CSMD1: variants seen among roughly 807,000 people sequenced by gnomAD.
The protein encoded by CSMD1 is CUB and sushi domain-containing protein 1.
Under a neutral mutation model 417.5 loss-of-function variants are expected in CSMD1, and 213 were observed. That is an observed-to-expected ratio of 0.51 (90% CI 0.46 to 0.57). CSMD1 has a LOEUF of 0.57. Ranked by LOEUF, CSMD1 falls within the 20% of genes least tolerant of loss-of-function variation. CSMD1 has a pLI of 0.00. For synonymous variants in CSMD1, 2,862 were observed against 1,736.8 expected, an observed-to-expected ratio of 1.65 and a Z score of -16.11; for missense variants, 6,923 against 4,529.7, an observed-to-expected ratio of 1.53 and a Z score of -15.17.
chr8:3,704,383 G>C (rs1006177092), intron 7 of CSMD1, among the ~76,000 whole-genome samples: 4 of 152,132 alleles, frequency 2.6e-5, no homozygotes, highest in Non-Finnish European at 5.9e-5. Flanking sequence ...ACTCACACAG[G>C]GAGGAGGGGG....
intron 1 of CSMD1, among the ~76,000 whole-genome samples, chr8:4,981,823 T>C (rs544376368): frequency 6.6e-6 from 1 of 152,272 alleles, no homozygotes; most frequent in Admixed American, 6.5e-5. Context: ...CATGTGATTA[T>C]GTGTACAGGA....
At chr8:4,048,357 T>C (rs1283516990) in intron 3 of CSMD1, among the ~76,000 whole-genome samples, 1 of 152,214 alleles carries the variant, frequency 6.6e-6, no homozygotes, top group Admixed American at 6.5e-5. Context: ...AACCATATTC[T>C]TAATAACAAC....
chr8:4,274,357 T>C (rs901748394), intron 3 of CSMD1, among the ~76,000 whole-genome samples: 4 of 152,178 alleles, frequency 2.6e-5, no homozygotes, highest in Admixed American at 1.3e-4. Flanking sequence ...GTTTCACTTT[T>C]CTAAACTATG....
intron 3 of CSMD1, among the ~76,000 whole-genome samples, chr8:4,209,928 C>G (rs1359010061): frequency 6.6e-6 from 1 of 152,184 alleles, no homozygotes; most frequent in African/African-American, 2.4e-5. Flanking sequence ...GTGACCACGT[C>G]TGGGTGTTGC....
chr8:3,892,715 GT>G (rs35178951), intron 5 of CSMD1, among the ~76,000 whole-genome samples: 52,483 of 106,332 alleles, frequency 0.49, 12,112 homozygotes, highest in Admixed American at 0.61. Flanking sequence ...ATTTAGGCAG[GT>G]TTTTTTTTTT....
chr8:3,727,856 T>C (rs1214697980), intron 6 of CSMD1, among the ~76,000 whole-genome samples: 1 of 152,178 alleles, frequency 6.6e-6, no homozygotes, highest in Non-Finnish European at 1.5e-5. Flanking sequence ...GAAATATGCC[T>C]GTCACAAAAG....
chr8:4,025,309 C>G (rs535533733), intron 4 of CSMD1, among the ~76,000 whole-genome samples: 7 of 152,186 alleles, frequency 4.6e-5, no homozygotes, highest in Non-Finnish European at 8.8e-5. Flanking sequence ...AGTGGACCAT[C>G]TTTCATGTTT....
intron 3 of CSMD1, among the ~76,000 whole-genome samples, chr8:4,313,325 G>C (rs562967565): frequency 8.6e-5 from 13 of 151,438 alleles, no homozygotes; most frequent in African/African-American, 2.9e-4. Flanking sequence ...TCCCTAGAGA[G>C]GGAGGAATCC....
Position 4,800,185 on chromosome 8 carries a change from C to T in CSMD1, c.86-162627G>A, listed in dbSNP as rs117638136. ...CGGCCGTGACGGCTCATGCCTATAA[C>T]CCCAGCACGTTGGGAAGCCAAGGCG... On this transcript the variant is annotated intron_variant, in intron 1 of 69. Coordinates refer to ENST00000635120, the MANE Select transcript of CSMD1 (RefSeq NM_033225.6). 5.4e-3 allele frequency among the ~76,000 whole-genome samples: 817 copies of T among 152,150 alleles called. 11 individuals carry two copies. Among genetic ancestry groups the T allele is most frequent in the South Asian group, 0.029 (141 of 4,816 alleles).
At chr8:4,852,971 G>A (rs1453600667) in intron 1 of CSMD1, among the ~76,000 whole-genome samples, 1 of 152,188 alleles carries the variant, frequency 6.6e-6, no homozygotes, top group African/African-American at 2.4e-5. Flanking sequence ...TCATGATGTG[G>A]CCTGGCTGCT....
intron 5 of CSMD1, among the ~76,000 whole-genome samples, chr8:3,766,795 G>C (rs1311690354): frequency 6.6e-6 from 1 of 151,650 alleles, no homozygotes; most frequent in African/African-American, 2.4e-5. Context: ...TTAATCTTGG[G>C]ATAAGAACAA....
At chr8:4,610,293 T>C (rs968453999) in intron 2 of CSMD1, among the ~76,000 whole-genome samples, 14 of 152,220 alleles carry the variant, frequency 9.2e-5, no homozygotes, top group African/African-American at 3.1e-4. Flanking sequence ...ATCCATGAAA[T>C]TGAGCAATAT....
chr8:4,226,049 G>T (rs186184382), intron 3 of CSMD1, among the ~76,000 whole-genome samples: 2 of 146,864 alleles, frequency 1.4e-5, no homozygotes, highest in Non-Finnish European at 3.0e-5. Flanking sequence ...TAAGCTGGAA[G>T]GTTAGAGCTG....
intron 5 of CSMD1, among the ~76,000 whole-genome samples, chr8:3,814,744 C>T (rs1322259883): frequency 1.3e-5 from 2 of 152,110 alleles, no homozygotes; most frequent in Admixed American, 6.5e-5. Context: ...GGTATGAATC[C>T]ACAACTTGCA....
chr8:4,396,743 AT>A (rs1273632853), intron 3 of CSMD1, among the ~76,000 whole-genome samples: 3 of 152,158 alleles, frequency 2.0e-5, no homozygotes, highest in Admixed American at 1.3e-4. Flanking sequence ...CTGGATGGAA[AT>A]GGAGACAATT....
At chr8:4,970,095 A>T (rs1810144689) in intron 1 of CSMD1, among the ~76,000 whole-genome samples, 1 of 152,146 alleles carries the variant, frequency 6.6e-6, no homozygotes, top group Non-Finnish European at 1.5e-5. Flanking sequence ...ACATAAAAAT[A>T]ATATATAAAG....
chr8:4,909,606 T>G (rs145130686), intron 1 of CSMD1, among the ~76,000 whole-genome samples: 1 of 152,274 alleles, frequency 6.6e-6, no homozygotes, highest in East Asian at 1.9e-4. Context: ...ATTTTCACCG[T>G]GAGCACTTCA....
At chr8:4,794,887 G>A (rs1563407202) in intron 1 of CSMD1, among the ~76,000 whole-genome samples, 1 of 152,160 alleles carries the variant, frequency 6.6e-6, no homozygotes, top group Non-Finnish European at 1.5e-5. Context: ...GCAGATTGCA[G>A]GTGGCAAGAA....
intron 2 of CSMD1, among the ~76,000 whole-genome samples, chr8:4,592,736 G>T (rs534837571): frequency 6.6e-6 from 1 of 152,132 alleles, no homozygotes; most frequent in South Asian, 2.1e-4. Flanking sequence ...CAAAATGTGT[G>T]CTAAATTTTT....
Sources: allele counts gnomAD v4.1 joint callset (sites outside exome capture counted in the v4.1 genomes callset), GRCh38; gene constraint gnomAD v4.1.1; transcripts MANE v1.5; gene names NCBI Gene and HGNC (gene_info 2026-07-23, HGNC 2026-07-21).